Variants in ERCC8 observed in about 807,000 individuals in gnomAD.
ERCC8 encodes the protein DNA excision repair protein ERCC-8.
A neutral mutation model predicts 54.9 loss-of-function variants in ERCC8; 52 were observed. The ratio of observed to expected loss-of-function variants is 0.95; its 90% confidence interval spans 0.76 to 1.19. The LOEUF (loss-of-function observed/expected upper bound fraction) is 1.19. ERCC8 is among the 50% of genes most tolerant of loss of function. The pLI, the probability that ERCC8 is intolerant of heterozygous loss-of-function variation, is 0.00. For missense variants in ERCC8, 514 were observed against 466.1 expected, an observed-to-expected ratio of 1.10 and a Z score of -0.95; for synonymous variants, 146 against 157.2, an observed-to-expected ratio of 0.93 and a Z score of 0.53.
In ERCC8 at chr5:60,872,297, C is replaced by T. The variant is rs1232256791; in HGVS notation, c.*2318G>A. On this transcript the variant is annotated 3_prime_UTR_variant, in exon 12 of 12. Transcript: ENST00000676185. The stretch of plus-strand genomic sequence containing the variant: ...AAGCACAGTAACAAAAGCACAAGTA[C>T]AGAAATGAAATTACATGAAACTAAA... Among the ~76,000 whole-genome samples, 1 of 151,908 alleles carries T rather than the reference C, an allele frequency of 6.6e-6. No individual in the cohort carries two copies. Among genetic ancestry groups the T allele is most frequent in the Non-Finnish European group, 1.5e-5 (1 of 67,990 alleles).
At chr5:60,879,075 G>T (rs890556881) in intron 11 of ERCC8, among the ~76,000 whole-genome samples, 3 of 151,888 alleles carry the variant, frequency 2.0e-5, no homozygotes, top group African/African-American at 7.3e-5. Context: ...TGTGTCTTTG[G>T]TCTCGTTGGT....
rs572190289 is a variant in ERCC8 at position 60,879,252 on chromosome 5, G to A, written c.1123-4569C>T. On this transcript the variant is annotated intron_variant, in intron 11 of 11. Transcript: ENST00000676185. The stretch of plus-strand genomic sequence containing the variant: ...TGAAAGACCGTTTGCTATAATTTCT[G>A]TTCTTTTACATTTGCTGAGGAGAGC... Among the ~76,000 whole-genome samples, 3 of 152,282 alleles carry A rather than the reference G, an allele frequency of 2.0e-5. No individual in the cohort carries two copies. In the East Asian group the frequency reaches 5.8e-4, roughly 29 times the overall value.
intron 4 of ERCC8, among the ~76,000 whole-genome samples, chr5:60,914,851 T>C (rs555974351): frequency 3.3e-5 from 5 of 151,628 alleles, no homozygotes; most frequent in South Asian, 4.2e-4. Context: ...TCTATTGAGA[T>C]GACTAATATG....
chr5:60,914,829 A>G (rs553068725), intron 4 of ERCC8, among the ~76,000 whole-genome samples: 10 of 150,916 alleles, frequency 6.6e-5, no homozygotes, highest in Non-Finnish European at 1.0e-4. Flanking sequence ...CTTTTATTTC[A>G]AAATGTTCGT....
chr5:60,885,025 T>C (rs932385987), intron 11 of ERCC8, among the ~76,000 whole-genome samples: 1 of 149,838 alleles, frequency 6.7e-6, no homozygotes, highest in Admixed American at 6.6e-5. Context: ...TTTTTTTTTT[T>C]CCTTTGAGTC....
At chr5:60,944,881 T>A in intron 1 of ERCC8, 51 bp downstream of exon 1, 1 of 1,290,654 alleles carries the variant, frequency 7.7e-7, no homozygotes, top group Non-Finnish European at 1.1e-6. Flanking sequence ...CTTACAGTCA[T>A]TGGTCCAGAT....
intron 3 of ERCC8, chr5:60,918,750 A>G (rs918391071): frequency 9.1e-5 from 29 of 317,512 alleles, no homozygotes; most frequent in African/African-American, 5.8e-4. Context: ...TTGCTTTTCC[A>G]AAGTCTCATT....
chr5:60,890,321 AAAG>A (rs1748510142), intron 10 of ERCC8, among the ~76,000 whole-genome samples: 1 of 152,216 alleles, frequency 6.6e-6, no homozygotes, highest in African/African-American at 2.4e-5. Context: ...ATACTCATTT[AAAG>A]AAGTGCATGA....
At chr5:60,886,753 G>GA (rs1386615913) in intron 11 of ERCC8, among the ~76,000 whole-genome samples, 3 of 141,992 alleles carry the variant, frequency 2.1e-5, no homozygotes, top group Non-Finnish European at 4.5e-5. Flanking sequence ...AATAGAAAAA[G>GA]AAAAGAAAAG....
intron 8 of ERCC8, 90 bp from the exon 9 acceptor site, chr5:60,898,490 A>C: frequency 6.9e-7 from 1 of 1,450,970 alleles, no homozygotes; most frequent in Non-Finnish European, 9.6e-7. Flanking sequence ...TTAAAGGACA[A>C]CTACTTGAGT....
rs890119018 is a variant in ERCC8 at position 60,872,582 on chromosome 5, G to A, written c.*2033C>T. 2.0e-5 allele frequency among the ~76,000 whole-genome samples: 3 copies of A among 152,172 alleles called. No homozygotes were observed. Among genetic ancestry groups the A allele is most frequent in the Admixed American group, 6.5e-5 (1 of 15,284 alleles). ...CCAGGGAAATGCAAATTAAAACAAC[G>A]AGATACCACCTAACACCTGTTAGAA... On this transcript the variant is annotated 3_prime_UTR_variant, in exon 12 of 12. Coordinates refer to ENST00000676185, the MANE Select transcript of ERCC8 (RefSeq NM_000082.4).
rs764612686 is a variant in ERCC8 at position 60,945,049 on chromosome 5, G to A, written c.-41C>T. 1.0e-5 allele frequency: 16 copies of A among 1,564,826 alleles called. No individual in the cohort carries two copies. The highest frequency in any genetic ancestry group is 1.3e-5 in the African/African-American group (1 of 74,078). On this transcript the variant is annotated 5_prime_UTR_variant, in exon 1 of 12. Coordinates refer to ENST00000676185, the MANE Select transcript of ERCC8 (RefSeq NM_000082.4). ...CGGCTGGAGCACTGGACGTCGCCAT[G>A]ACAGAGCTCAGGGGCGGGACTGGAA...
rs754890794 is a variant in ERCC8 at position 60,874,619 on chromosome 5, CCTT to C, written c.1184_1186del (p.Glu395del). ...AAAAGGTACTAAAGATGATATTCAT[CCTT>C]CTTCATCACTGCTGCTCCAGGCATC... On this transcript the variant is annotated inframe_deletion, in exon 12 of 12. Coordinates refer to ENST00000676185, the MANE Select transcript of ERCC8 (RefSeq NM_000082.4). 5 of 1,612,654 alleles carry C rather than the reference CCTT, an allele frequency of 3.1e-6. No homozygotes were observed. Among genetic ancestry groups the C allele is most frequent in the East Asian group, 2.2e-5 (1 of 44,814 alleles).
chr5:60,901,952 T>C (rs1478735792), intron 7 of ERCC8, among the ~76,000 whole-genome samples: 1 of 151,902 alleles, frequency 6.6e-6, no homozygotes, highest in Non-Finnish European at 1.5e-5. Flanking sequence ...CTGGATGCCC[T>C]GTAATCACTG....
At chr5:60,893,106 T>C in intron 9 of ERCC8, 2 of 775,598 alleles carry the variant, frequency 2.6e-6, no homozygotes, top group South Asian at 2.8e-5. Context: ...CAGCTTCTTG[T>C]TGCCTTCTGC....
At chr5:60,919,975 A>C (rs1367406753) in intron 3 of ERCC8, among the ~76,000 whole-genome samples, 1 of 152,000 alleles carries the variant, frequency 6.6e-6, no homozygotes. Context: ...ACTCCTATTT[A>C]GAGGAAATGC....
rs754566666 is a variant in ERCC8 at position 60,874,658 on chromosome 5, G to A, written c.1148C>T (p.Pro383Leu). The A allele has an allele frequency of 1.6e-5, 25 of 1,610,660 alleles. No homozygotes were observed. The highest frequency in any genetic ancestry group is 1.7e-4 in the Middle Eastern group (1 of 6,014). ...DETTTKSQLN[P>L]AFEDAWSSSD... ...GCTGCTCCAGGCATCTTCAAAGGCC[G>A]GATTTAATTGTGATTTTGTTGTAGT... Residue 383 changes from proline to leucine, a missense_variant, in exon 12 of 12, where the codon CCG becomes CTG. Coordinates refer to ENST00000676185, the MANE Select transcript of ERCC8 (RefSeq NM_000082.4).
At chr5:60,896,285 C>T (rs775445181) in intron 9 of ERCC8, among the ~76,000 whole-genome samples, 3 of 152,168 alleles carry the variant, frequency 2.0e-5, no homozygotes, top group Admixed American at 6.5e-5. Flanking sequence ...GGCGCGATCT[C>T]GGCTCACCGC....
At chr5:60,894,318 A>G (rs1748661717) in intron 9 of ERCC8, among the ~76,000 whole-genome samples, 1 of 152,118 alleles carries the variant, frequency 6.6e-6, no homozygotes, top group South Asian at 2.1e-4. Flanking sequence ...TAAATAGCAA[A>G]AGCTATATGC....
Sources: gnomAD v4.1 joint callset for allele counts (sites outside exome capture counted in the v4.1 genomes callset) on GRCh38, gnomAD v4.1.1 for gene constraint, MANE v1.5 for transcripts, NCBI Gene and HGNC (gene_info 2026-07-23, HGNC 2026-07-21) for gene names.